The following RGS12 variants were observed in gnomAD, a reference collection of about 807,000 sequenced individuals.
RGS12 encodes the protein regulator of G-protein signaling 12.
Under a neutral mutation model 120.1 loss-of-function variants are expected in RGS12, and 66 were observed. The observed-to-expected ratio is 0.55, with a 90% CI of 0.45 to 0.67. RGS12 has a LOEUF of 0.67. Ranked by LOEUF, RGS12 falls within the 30% of genes least tolerant of loss-of-function variation. The pLI is 0.00. For missense variants in RGS12, 1,859 were observed against 1,957.7 expected (o/e 0.95, Z 0.95); for synonymous variants, 827 against 804.7 (o/e 1.03, Z -0.47).
In RGS12 at chr4:3,372,649, G is replaced by C. The variant is rs926066057; in HGVS notation, c.1999-13767G>C. On this transcript the variant is annotated intron_variant, in intron 3 of 17. Transcript: ENST00000336727. This position sits in a 1 kb window ranked among gnomAD's most constrained non-coding sequence, Gnocchi z 4.3. ...GGGTGTGGTTTTGTGACGTCTCAGG[G>C]TGTCCTTTCTTTCCTTCATGAGAAG... Among the ~76,000 whole-genome samples the C allele has an allele frequency of 6.6e-6, 1 of 152,240 alleles. No individual in the cohort carries two copies. The highest frequency in any genetic ancestry group is 2.4e-5 in the African/African-American group (1 of 41,456).
intron 1 of RGS12, among the ~76,000 whole-genome samples, chr4:3,304,453 T>A (rs1723862984): frequency 6.6e-6 from 1 of 152,148 alleles, no homozygotes; most frequent in African/African-American, 2.4e-5. Flanking sequence ...GGCCGCTTTC[T>A]CCCGGGAGTG....
At chr4:3,408,643 G>A (rs1012869041) in intron 4 of RGS12, among the ~76,000 whole-genome samples, 2 of 152,164 alleles carry the variant, frequency 1.3e-5, no homozygotes, top group Non-Finnish European at 2.9e-5. Context: ...GAGGGTCCAC[G>A]TGCCCAGCAG....
At chr4:3,293,661 G>A (rs936869570) in intron 1 of RGS12, among the ~76,000 whole-genome samples, 3 of 152,070 alleles carry the variant, frequency 2.0e-5, no homozygotes, top group Non-Finnish European at 4.4e-5. Flanking sequence ...GACAGAGAGG[G>A]GCCCAAAGCT....
In RGS12 at chr4:3,439,909, C is replaced by T. The variant is rs958804788; in HGVS notation, c.*225C>T. ...CTGCCCAATAAAGCATTTCTGAGGA[C>T]CCAAGCGTCGGCCTGGTGCTGGGTG... On this transcript the variant is annotated 3_prime_UTR_variant, in exon 18 of 18. Transcript: ENST00000336727. 4.0e-6 allele frequency: 2 copies of T among 496,218 alleles called. No individual in the cohort carries two copies. Among genetic ancestry groups the T allele is most frequent in the Non-Finnish European group, 7.0e-6 (2 of 286,600 alleles). 30.7% of individuals were successfully genotyped at this position (496,218 alleles called of 1,614,324 possible). A position where few individuals can be genotyped will look rare whatever the true frequency, so the allele number is the denominator to read the frequency against.
intron 2 of RGS12, among the ~76,000 whole-genome samples, chr4:3,328,220 A>T (rs1399040210): frequency 6.6e-6 from 1 of 152,138 alleles, no homozygotes; most frequent in African/African-American, 2.4e-5. Context: ...GTGGAATGGT[A>T]GAGAATGGAG....
Position 3,391,631 on chromosome 4 carries a change from C to T in RGS12, c.2020+5194C>T, listed in dbSNP as rs144387634. Among the ~76,000 whole-genome samples, 60 of 152,300 alleles carry T rather than the reference C, an allele frequency of 3.9e-4. 1 individual carries two copies. In the East Asian group the frequency reaches 4.4e-3, roughly 11 times the overall value. ...ATTCTTGGGGAAAAGATAAAACAAACGAAGAACTCCTCTCATGCAACCCTA... is the reference window on the plus strand; with the variant it reads ...ATTCTTGGGGAAAAGATAAAACAAATGAAGAACTCCTCTCATGCAACCCTA... On this transcript the variant is annotated intron_variant, in intron 4 of 17. Coordinates refer to ENST00000336727, the MANE Select transcript of RGS12 (RefSeq NM_001394154.1).
At chr4:3,363,936 G>GC (rs1232763485) in intron 3 of RGS12, among the ~76,000 whole-genome samples, 2 of 152,110 alleles carry the variant, frequency 1.3e-5, no homozygotes, top group Non-Finnish European at 1.5e-5. Context: ...GAGGGCACAG[G>GC]CCCCCCAGGC....
chr4:3,414,630 C>T, intron 5 of RGS12, 122 bp from the exon 6 acceptor site: 2 of 729,668 alleles, frequency 2.7e-6, no homozygotes, highest in Non-Finnish European at 2.4e-6. Flanking sequence ...TGAGGTTTCT[C>T]TCTCCAGGCC....
At chr4:3,416,169 G>C in intron 7 of RGS12, 48 bp downstream of exon 7, 8 of 1,600,494 alleles carry the variant, frequency 5.0e-6, no homozygotes, top group Non-Finnish European at 5.1e-6. Flanking sequence ...CTAGGGCTCG[G>C]GGTATAGGGT....
the RGS12 span, among the ~76,000 whole-genome samples, chr4:3,287,377 A>G: frequency 1.3e-5 from 2 of 152,168 alleles, no homozygotes; most frequent in South Asian, 2.1e-4. Context: ...AAAAAAGGAC[A>G]TCTTCTCCAA....
In RGS12 at chr4:3,316,970, A is replaced by T; in HGVS notation, c.800A>T (p.Lys267Ile). 6.2e-7 allele frequency: 1 copy of T among 1,613,894 alleles called. No homozygotes were observed. The highest frequency in any genetic ancestry group is 8.5e-7 in the Non-Finnish European group (1 of 1,180,022). ...ATGCGGCGCCTGCGGGCAGAGCAGA[A>T]AATCCACTCGCTGGTGACCATGAAG... Reference protein sequence around the residue: ...GCMRRLRAEQKIHSLVTMKIM... With the variant: ...GCMRRLRAEQIIHSLVTMKIM... Residue 267 changes from lysine to isoleucine, a missense_variant, in exon 2 of 18, where the codon AAA (lysine) becomes ATA (isoleucine). Transcript: ENST00000336727.
At chr4:3,362,776 A>AGGGTGTGTGTGAGG (rs1715802049) in intron 3 of RGS12, among the ~76,000 whole-genome samples, 1 of 120,310 alleles carries the variant, frequency 8.3e-6, no homozygotes, top group African/African-American at 3.4e-5. Flanking sequence ...GGTGTGAGTT[A>AGGGTGTGTGTGAGG]GGGTGTGTGT....
chr4:3,346,274 A>G (rs1418327937), intron 3 of RGS12, among the ~76,000 whole-genome samples: 1 of 152,228 alleles, frequency 6.6e-6, no homozygotes, highest in Admixed American at 6.5e-5. Flanking sequence ...AGGATCTCTT[A>G]GGGTTCTATC....
intron 1 of RGS12, among the ~76,000 whole-genome samples, chr4:3,308,183 C>T (rs972564260): frequency 3.3e-5 from 5 of 152,232 alleles, no homozygotes; most frequent in African/African-American, 7.2e-5. Flanking sequence ...TGCAGGTCTG[C>T]GTCTGCTGTG....
Position 3,390,158 on chromosome 4 carries a change from G to A in RGS12, c.2020+3721G>A, listed in dbSNP as rs1479669107. On this transcript the variant is annotated intron_variant, in intron 4 of 17. Coordinates refer to ENST00000336727, the MANE Select transcript of RGS12 (RefSeq NM_001394154.1). This position sits in a 1 kb window ranked among gnomAD's most constrained non-coding sequence, Gnocchi z 4.6. ...CCCCAACCATCCTGCGTCCCACCCT[G>A]GTCTCCAATGGTGCCTCAGGCACAT... Among the ~76,000 whole-genome samples, 1 of 152,290 alleles carries A rather than the reference G, an allele frequency of 6.6e-6. No individual in the cohort carries two copies. Among genetic ancestry groups the A allele is most frequent in the African/African-American group, 2.4e-5 (1 of 41,568 alleles).
chr4:3,299,538 C>T (rs930501112), intron 1 of RGS12, among the ~76,000 whole-genome samples: 1 of 152,130 alleles, frequency 6.6e-6, no homozygotes. Flanking sequence ...GATTTAGCAG[C>T]GTGGGAGGAT....
intron 3 of RGS12, among the ~76,000 whole-genome samples, chr4:3,376,024 G>A (rs2108917108): frequency 1.3e-5 from 2 of 152,352 alleles, no homozygotes; most frequent in African/African-American, 4.8e-5. Flanking sequence ...TCCCAACAGA[G>A]GGTTATGGTG....
intron 17 of RGS12, among the ~76,000 whole-genome samples, chr4:3,436,829 C>T (rs954073102): frequency 6.6e-6 from 1 of 152,206 alleles, no homozygotes; most frequent in African/African-American, 2.4e-5. Context: ...GGACCCCCTC[C>T]TGGGAAGGCT....
chr4:3,362,351 G>A (rs1277612637), intron 3 of RGS12, among the ~76,000 whole-genome samples: 2 of 152,234 alleles, frequency 1.3e-5, no homozygotes, highest in Admixed American at 6.5e-5. Context: ...GAGTGTGTGC[G>A]TGTGAGGGTG....
Sources: allele counts gnomAD v4.1 joint callset (sites outside exome capture counted in the v4.1 genomes callset), GRCh38; gene constraint gnomAD v4.1.1; non-coding constraint Gnocchi (gnomAD v3.1); transcripts MANE v1.5; gene names NCBI Gene and HGNC (gene_info 2026-07-23, HGNC 2026-07-21).